The following GPC5 variants were observed in gnomAD, a reference collection of about 807,000 sequenced individuals.
GPC5 encodes glypican-5.
GPC5 carries 47 observed loss-of-function variants against 53.9 expected under a neutral mutation model. The observed-to-expected ratio is 0.87, with a 90% CI of 0.69 to 1.11. The LOEUF (loss-of-function observed/expected upper bound fraction) is 1.11. GPC5 is among the 50% of genes most tolerant of loss of function. The pLI, the probability that GPC5 is intolerant of heterozygous loss-of-function variation, is 0.00. For synonymous variants in GPC5, 286 were observed against 263.3 expected, an observed-to-expected ratio of 1.09 and a Z score of -0.84; for missense variants, 748 against 713.1, an observed-to-expected ratio of 1.05 and a Z score of -0.56.
intron 5 of GPC5, among the ~76,000 whole-genome samples, chr13:91,893,076 A>G (rs180881703): frequency 2.4e-4 from 37 of 152,082 alleles, no homozygotes; most frequent in African/African-American, 8.9e-4. Flanking sequence ...GATAACTCAT[A>G]AGATGTAGCT....
At chr13:92,036,536 A>T (rs903834704) in intron 6 of GPC5, among the ~76,000 whole-genome samples, 1 of 152,236 alleles carries the variant, frequency 6.6e-6, no homozygotes, top group Non-Finnish European at 1.5e-5. Flanking sequence ...TCAAGGCATG[A>T]TAAGAAAATT....
At chr13:92,752,215 A>G (rs977203019) in intron 7 of GPC5, among the ~76,000 whole-genome samples, 2 of 152,126 alleles carry the variant, frequency 1.3e-5, no homozygotes, top group Non-Finnish European at 2.9e-5. Flanking sequence ...GTTTAGCCCT[A>G]TCCCTGACTT....
chr13:92,645,807 C>T (rs1259092783), intron 7 of GPC5, among the ~76,000 whole-genome samples: 12 of 151,824 alleles, frequency 7.9e-5, no homozygotes, highest in Non-Finnish European at 1.2e-4. Context: ...TATTTGTCAT[C>T]GCTATCATTG....
At chr13:92,642,425 A>T (rs1392256331) in intron 7 of GPC5, among the ~76,000 whole-genome samples, 1 of 152,098 alleles carries the variant, frequency 6.6e-6, no homozygotes, top group Non-Finnish European at 1.5e-5. Context: ...ATCCTACCGT[A>T]CTCAGTGTTC....
intron 7 of GPC5, among the ~76,000 whole-genome samples, chr13:92,510,936 A>T (rs1880541092): frequency 6.6e-6 from 1 of 152,194 alleles, no homozygotes; most frequent in Non-Finnish European, 1.5e-5. Context: ...GTGAGGGAGG[A>T]TAAGATCAGG....
At chr13:92,664,059 G>A (rs1442705959) in intron 7 of GPC5, among the ~76,000 whole-genome samples, 1 of 151,378 alleles carries the variant, frequency 6.6e-6, no homozygotes. Flanking sequence ...GCGACAGAGT[G>A]AGGCTCTGTC....
intron 5 of GPC5, among the ~76,000 whole-genome samples, chr13:91,903,005 C>A (rs1243110521): frequency 3.7e-4 from 55 of 148,560 alleles, no homozygotes; most frequent in African/African-American, 1.4e-3. Context: ...AGTAAAACAC[C>A]CAAATCTTAA....
chr13:91,646,534 A>T (rs935543291), intron 2 of GPC5, among the ~76,000 whole-genome samples: 4 of 152,042 alleles, frequency 2.6e-5, no homozygotes, highest in Admixed American at 2.0e-4. Flanking sequence ...TATATTTTTT[A>T]AATGACAAAA....
intron 7 of GPC5, among the ~76,000 whole-genome samples, chr13:92,652,355 G>A (rs549925740): frequency 6.6e-6 from 1 of 152,214 alleles, no homozygotes; most frequent in African/African-American, 2.4e-5. Flanking sequence ...GGTTAAAGAG[G>A]AAAATAAGAA....
intron 7 of GPC5, among the ~76,000 whole-genome samples, chr13:92,268,021 T>C (rs1245136702): frequency 6.6e-6 from 1 of 152,088 alleles, no homozygotes; most frequent in Non-Finnish European, 1.5e-5. Flanking sequence ...TTATAACTTT[T>C]TGAGTATCAT....
intron 6 of GPC5, among the ~76,000 whole-genome samples, chr13:92,052,320 A>T (rs2041036465): frequency 6.6e-6 from 1 of 152,148 alleles, no homozygotes; most frequent in East Asian, 1.9e-4. Context: ...GAAGCCATGG[A>T]CCTTCGCAGT....
At chr13:91,962,319 C>T (rs2040133644) in intron 6 of GPC5, among the ~76,000 whole-genome samples, 1 of 152,044 alleles carries the variant, frequency 6.6e-6, no homozygotes, top group Non-Finnish European at 1.5e-5. Flanking sequence ...TTGGAGAAAT[C>T]CCAAAGTTTT....
chr13:92,241,861 G>A (rs1332913439), intron 7 of GPC5: 1 of 152,046 alleles, frequency 6.6e-6, no homozygotes, highest in Non-Finnish European at 1.5e-5. Context: ...TTTCCTTTTG[G>A]CAACTAATAC....
chr13:91,690,103 T>G (rs2035724818), intron 2 of GPC5, among the ~76,000 whole-genome samples: 1 of 152,194 alleles, frequency 6.6e-6, no homozygotes, highest in African/African-American at 2.4e-5. Flanking sequence ...TCAGCTCCAT[T>G]ATAATCTTAT....
intron 6 of GPC5, among the ~76,000 whole-genome samples, chr13:92,084,293 A>T (rs7988762): frequency 0.055 from 8,444 of 152,300 alleles, 762 homozygotes; most frequent in African/African-American, 0.19. Context: ...TTTTAAATAT[A>T]ACATATCAGT....
chr13:92,065,427 T>C (rs1414457165), intron 6 of GPC5, among the ~76,000 whole-genome samples: 1 of 152,152 alleles, frequency 6.6e-6, no homozygotes, highest in South Asian at 2.1e-4. Flanking sequence ...AAAGAAATAA[T>C]TGGTTTTTTA....
chr13:92,717,869 A>ACGC (rs1566382038), intron 7 of GPC5, among the ~76,000 whole-genome samples: 1 of 152,176 alleles, frequency 6.6e-6, no homozygotes, highest in Admixed American at 6.5e-5. Context: ...CATCTGACAA[A>ACGC]CGCTTAATAA....
At chr13:91,806,510 G>A (rs528708385) in intron 5 of GPC5, among the ~76,000 whole-genome samples, 63 of 151,978 alleles carry the variant, frequency 4.1e-4, no homozygotes, top group South Asian at 3.1e-3. Context: ...CATGGCAGGG[G>A]GTGATGCCTC....
chr13:92,828,595 T>C (rs1373982962), intron 7 of GPC5, among the ~76,000 whole-genome samples: 1 of 152,094 alleles, frequency 6.6e-6, no homozygotes, highest in African/African-American at 2.4e-5. Context: ...TGAAGATCAT[T>C]GAATGCCACC....
Sources: gnomAD v4.1 joint callset for allele counts (sites outside exome capture counted in the v4.1 genomes callset) on GRCh38, gnomAD v4.1.1 for gene constraint, MANE v1.5 for transcripts, NCBI Gene and HGNC (gene_info 2026-07-23, HGNC 2026-07-21) for gene names.